Variants in RCOR1 observed in about 807,000 individuals in gnomAD.
RCOR1 encodes the protein REST corepressor 1, also known as REST corepressor.
RCOR1 carries 12 observed loss-of-function variants against 64.0 expected under a neutral mutation model. The ratio of observed to expected loss-of-function variants is 0.19; its 90% CI spans 0.12 to 0.30. The LOEUF (loss-of-function observed/expected upper bound fraction) is 0.30, where lower values mean the gene tolerates loss of function less well. Among genes scored for constraint, RCOR1 ranks in the 10% least tolerant of loss-of-function variants. RCOR1 has a pLI of 1.00. For synonymous variants in RCOR1, 279 were observed against 227.2 expected, an observed-to-expected ratio of 1.23 and a Z score of -2.05; for missense variants, 502 against 621.2, an observed-to-expected ratio of 0.81 and a Z score of 2.04.
intron 7 of RCOR1, among the ~76,000 whole-genome samples, chr14:102,712,626 A>G (rs1433441710): frequency 7.3e-6 from 1 of 136,890 alleles, no homozygotes; most frequent in East Asian, 2.2e-4. Flanking sequence ...TGGAAGTTGT[A>G]TTGTTGAGTC....
At chr14:102,619,473 CTTT>C (rs35488660) in intron 2 of RCOR1, among the ~76,000 whole-genome samples, 1,332 of 130,698 alleles carry the variant, frequency 0.01, 15 homozygotes, top group African/African-American at 0.034. Flanking sequence ...TCTATCTAAT[CTTT>C]TTTTTTTTTT....
At chr14:102,653,688 G>A (rs1894641757) in intron 2 of RCOR1, among the ~76,000 whole-genome samples, 1 of 151,986 alleles carries the variant, frequency 6.6e-6, no homozygotes, top group Non-Finnish European at 1.5e-5. Flanking sequence ...GCTCTCGGGC[G>A]ATCGGGTCGT....
intron 2 of RCOR1, among the ~76,000 whole-genome samples, chr14:102,671,766 T>G (rs1253048276): frequency 6.6e-6 from 1 of 152,252 alleles, no homozygotes; most frequent in Non-Finnish European, 1.5e-5. Context: ...TTCAGAGTTG[T>G]GTAACTATCA....
chr14:102,659,771 TGGAGGCAGAGAAA>T (rs1217618541), intron 2 of RCOR1, among the ~76,000 whole-genome samples: 1 of 152,160 alleles, frequency 6.6e-6, no homozygotes, highest in African/African-American at 2.4e-5. Flanking sequence ...AATCTGAATT[TGGAGGCAGAGAAA>T]GGAGGCAGAA....
chr14:102,705,711 G>A (rs1391547397), intron 4 of RCOR1, among the ~76,000 whole-genome samples: 1 of 152,056 alleles, frequency 6.6e-6, no homozygotes, highest in Non-Finnish European at 1.5e-5. Context: ...CTCTCACCTC[G>A]GCCTCCCAGA....
At chr14:102,711,146 A>C in intron 7 of RCOR1, 133 bp downstream of exon 7, 1 of 615,570 alleles carries the variant, frequency 1.6e-6, no homozygotes, top group South Asian at 2.2e-5. Context: ...ACTATTTTTC[A>C]ACAATACTGT....
At chr14:102,638,860 G>A (rs202173993) in intron 2 of RCOR1, among the ~76,000 whole-genome samples, 3 of 152,054 alleles carry the variant, frequency 2.0e-5, no homozygotes, top group Non-Finnish European at 1.5e-5. Context: ...ACGGGGTTTC[G>A]CCATGCTGGC....
At chr14:102,658,544 A>C in intron 2 of RCOR1, 1 of 985,326 alleles carries the variant, frequency 1.0e-6, no homozygotes, top group South Asian at 4.7e-5. Context: ...AAGTTTTTAG[A>C]ATGTGACTCT....
rs766820032 is a variant in RCOR1, at chr14:102,721,280, C to G, written c.1132-40C>G. The G allele has an allele frequency of 1.6e-5, 25 of 1,561,950 alleles. No homozygotes were observed. The Middle Eastern group carries it at 5.0e-4, about 31-fold the overall frequency. On this transcript the variant is annotated intron_variant, in intron 9 of 11. Coordinates refer to ENST00000262241, the MANE Select transcript of RCOR1 (RefSeq NM_015156.4). Reference sequence around the variant, plus strand: ...TAAGCTCATAAGGACATACTCATCTCTAAATGTAATGTGCTAAAATGACTC... The same window carrying G: ...TAAGCTCATAAGGACATACTCATCTGTAAATGTAATGTGCTAAAATGACTC...
In RCOR1 at chr14:102,607,738, C is replaced by T. The variant is rs145923482; in HGVS notation, c.361+14413C>T. ...ATCTACTAAAAGTATAAAAATTAGC[C>T]GGGTGTGGTGGCACCTGCCTTTAAT... On this transcript the variant is annotated intron_variant, in intron 2 of 11. Transcript: ENST00000262241. Among the ~76,000 whole-genome samples, 629 of 152,218 alleles carry T rather than the reference C, an allele frequency of 4.1e-3. 4 individuals carry two copies. Among genetic ancestry groups the T allele is most frequent in the African/African-American group, 0.01 (424 of 41,554 alleles).
In RCOR1 at chr14:102,694,911, T is replaced by C. The variant is rs573265749; in HGVS notation, c.446-6367T>C. ...AGAGAGAAATTGGTGTCATGTTTCC[T>C]CTGTGGTACCTAATCCTACAGCAAG... On this transcript the variant is annotated intron_variant, in intron 3 of 11. Coordinates refer to ENST00000262241, the MANE Select transcript of RCOR1 (RefSeq NM_015156.4). Among the ~76,000 whole-genome samples the C allele has an allele frequency of 2.4e-4, 36 of 152,380 alleles. No homozygotes were observed. In the East Asian group the frequency reaches 6.5e-3, roughly 28 times the overall value.
chr14:102,630,262 C>T (rs923803418), intron 2 of RCOR1, among the ~76,000 whole-genome samples: 3 of 152,142 alleles, frequency 2.0e-5, no homozygotes, highest in African/African-American at 7.2e-5. Flanking sequence ...CTTCTCTGGC[C>T]ATGTGACCTC....
chr14:102,649,869 A>T, intron 2 of RCOR1: 1 of 782,478 alleles, frequency 1.3e-6, no homozygotes, highest in Non-Finnish European at 1.6e-6. Context: ...TTGGTTGTGT[A>T]TGAAGGCAGT....
chr14:102,630,667 AG>A (rs749557878), intron 2 of RCOR1, among the ~76,000 whole-genome samples: 15 of 152,158 alleles, frequency 9.9e-5, no homozygotes, highest in Non-Finnish European at 1.9e-4. Flanking sequence ...GAAGATAAGA[AG>A]GGTAGTGGGG....
intron 2 of RCOR1, among the ~76,000 whole-genome samples, chr14:102,640,440 G>A (rs1459781071): frequency 6.6e-6 from 1 of 152,156 alleles, no homozygotes; most frequent in African/African-American, 2.4e-5. Context: ...ATGATGACAG[G>A]TATCTTGGGT....
intron 2 of RCOR1, among the ~76,000 whole-genome samples, chr14:102,613,434 C>CT (rs1893676047): frequency 6.8e-6 from 1 of 146,086 alleles, no homozygotes; most frequent in Non-Finnish European, 1.5e-5. Context: ...ATTTATTTAT[C>CT]ATTTTTTTTT....
chr14:102,671,248 A>G (rs899668718), intron 2 of RCOR1, among the ~76,000 whole-genome samples: 1 of 151,452 alleles, frequency 6.6e-6, no homozygotes, highest in Non-Finnish European at 1.5e-5. Flanking sequence ...TAGAAACACA[A>G]CTCCCTCTTC....
At chr14:102,601,816 A>G (rs1387791866) in intron 2 of RCOR1, among the ~76,000 whole-genome samples, 1 of 152,106 alleles carries the variant, frequency 6.6e-6, no homozygotes, top group Non-Finnish European at 1.5e-5. Context: ...TCCTTGCAAC[A>G]TTTTCTCTCT....
chr14:102,664,399 G>A (rs1235361866), intron 2 of RCOR1, among the ~76,000 whole-genome samples: 2 of 152,172 alleles, frequency 1.3e-5, no homozygotes, highest in African/African-American at 2.4e-5. Context: ...ACAGGTATGA[G>A]CCACCATGCC....
Sources: allele counts gnomAD v4.1 joint callset (sites outside exome capture counted in the v4.1 genomes callset), GRCh38; gene constraint gnomAD v4.1.1; transcripts MANE v1.5; gene names NCBI Gene and HGNC (gene_info 2026-07-23, HGNC 2026-07-21).